Variants in TRIP12 observed in about 807,000 individuals in gnomAD.
The protein encoded by TRIP12 is thyroid hormone receptor interactor 12.
TRIP12 carries 25 observed loss-of-function variants against 244.2 expected under a neutral mutation model. That is an observed-to-expected ratio of 0.10 (90% CI 0.07 to 0.14). The LOEUF (loss-of-function observed/expected upper bound fraction) is 0.14. Among genes scored for constraint, TRIP12 ranks in the 10% least tolerant of loss-of-function variants. The pLI, the probability that TRIP12 is intolerant of heterozygous loss-of-function variation, is 1.00. For synonymous variants in TRIP12, 905 were observed against 873.1 expected (o/e 1.04, Z -0.64); for missense variants, 1,677 against 2,486.4 (o/e 0.67, Z 6.92).
intron 16 of TRIP12, 88 bp from the exon 17 acceptor site, chr2:229,807,952 C>T: frequency 7.1e-7 from 1 of 1,401,858 alleles, no homozygotes; most frequent in Non-Finnish European, 9.5e-7. Context: ...TCACACAAAC[C>T]AAAAGTTGTA....
At chr2:229,814,869 T>C (rs989919499) in intron 11 of TRIP12, among the ~76,000 whole-genome samples, 1 of 152,212 alleles carries the variant, frequency 6.6e-6, no homozygotes, top group African/African-American at 2.4e-5. Context: ...ACTTTAAAGT[T>C]CTTCTCTGAA....
chr2:229,884,370 G>A (rs1171794806), intron 1 of TRIP12, among the ~76,000 whole-genome samples: 6 of 150,606 alleles, frequency 4.0e-5, no homozygotes, highest in Non-Finnish European at 5.9e-5. Context: ...CAGAGTAGCT[G>A]GGATTACAGA....
rs772678117 is a variant in TRIP12, at chr2:229,768,723, T to C, written c.5904-4A>G. 1.1e-4 allele frequency: 170 copies of C among 1,600,390 alleles called. 4 individuals carry two copies. The East Asian group carries it at 3.7e-3, about 35-fold the overall frequency. On this transcript the variant is annotated splice_region_variant and splice_polypyrimidine_tract_variant and intron_variant, in intron 40 of 41. Transcript: ENST00000675903. ...AAACAAAAACTTCACAGCCCGACTA[T>C]AACAGAAATAAATATACCAAAATTA...
chr2:229,788,748 C>A, intron 32 of TRIP12, 50 bp downstream of exon 32: 1 of 1,591,810 alleles, frequency 6.3e-7, no homozygotes, highest in Non-Finnish European at 8.5e-7. Flanking sequence ...TACATCAAGA[C>A]CAACCCAGTA....
intron 13 of TRIP12, among the ~76,000 whole-genome samples, chr2:229,813,180 G>C (rs2047685356): frequency 6.6e-6 from 1 of 152,058 alleles, no homozygotes; most frequent in African/African-American, 2.4e-5. Flanking sequence ...CTCTCTTCTG[G>C]TCTTAACCCA....
chr2:229,894,169 T>C (rs1006799267), intron 1 of TRIP12, among the ~76,000 whole-genome samples: 12 of 152,132 alleles, frequency 7.9e-5, no homozygotes, highest in Admixed American at 2.6e-4. Flanking sequence ...AAAAAAGTTT[T>C]CGTTATTCTG....
intron 5 of TRIP12, among the ~76,000 whole-genome samples, chr2:229,840,370 G>C (rs1033801692): frequency 6.6e-6 from 1 of 152,126 alleles, no homozygotes; most frequent in Non-Finnish European, 1.5e-5. Context: ...AGTTATGTTA[G>C]AATATGTCTT....
At chr2:229,834,199 C>G (rs1483608803) in intron 6 of TRIP12, among the ~76,000 whole-genome samples, 1 of 152,220 alleles carries the variant, frequency 6.6e-6, no homozygotes, top group African/African-American at 2.4e-5. Flanking sequence ...TTGTCTAAAT[C>G]AGAATGCAAA....
chr2:229,841,867 G>A (rs190881955), intron 4 of TRIP12, among the ~76,000 whole-genome samples: 196 of 152,258 alleles, frequency 1.3e-3, no homozygotes, highest in Admixed American at 1.2e-3. Flanking sequence ...CTCCTTTGTG[G>A]AAAAGCAGCA....
intron 2 of TRIP12, among the ~76,000 whole-genome samples, chr2:229,874,184 T>C (rs2063189236): frequency 6.6e-6 from 1 of 151,896 alleles, no homozygotes. Context: ...TAAATGAAAA[T>C]GGCCCACGGA....
intron 1 of TRIP12, among the ~76,000 whole-genome samples, chr2:229,913,500 ACAT>A (rs1199207921): frequency 4.6e-5 from 7 of 152,250 alleles, no homozygotes; most frequent in Non-Finnish European, 1.0e-4. Context: ...CTACTAATAA[ACAT>A]CATCTCCAAA....
chr2:229,873,522 TG>T (rs764175604), intron 2 of TRIP12, among the ~76,000 whole-genome samples: 1 of 152,198 alleles, frequency 6.6e-6, no homozygotes, highest in Non-Finnish European at 1.5e-5. Flanking sequence ...GTTAGGGTAT[TG>T]AGAGAAAAGA....
At chr2:229,789,502 T>C (rs912767902) in intron 31 of TRIP12, 109 bp downstream of exon 31, 9 of 1,342,934 alleles carry the variant, frequency 6.7e-6, no homozygotes, top group Non-Finnish European at 9.1e-6. Flanking sequence ...TGTACTTTAC[T>C]GGGCTAGGAG....
intron 21 of TRIP12, among the ~76,000 whole-genome samples, chr2:229,800,853 C>T (rs978625921): frequency 1.3e-5 from 2 of 151,758 alleles, no homozygotes; most frequent in African/African-American, 2.4e-5. Flanking sequence ...CACTTGAGCC[C>T]GGGAGTTCGA....
intron 9 of TRIP12, among the ~76,000 whole-genome samples, chr2:229,817,533 C>G (rs2048806065): frequency 1.3e-5 from 2 of 152,102 alleles, no homozygotes; most frequent in African/African-American, 4.8e-5. Context: ...ATCAAAATAT[C>G]AACTCACAAC....
At chr2:229,789,958 T>G (rs1453643614) in intron 30 of TRIP12, among the ~76,000 whole-genome samples, 196 bp from the exon 31 acceptor site, 4 of 152,216 alleles carry the variant, frequency 2.6e-5, no homozygotes, top group Admixed American at 1.3e-4. Context: ...TTATAAAAAT[T>G]TCACTTTTCC....
chr2:229,900,188 T>G (rs1170589889), intron 1 of TRIP12, among the ~76,000 whole-genome samples: 1 of 152,218 alleles, frequency 6.6e-6, no homozygotes, highest in African/African-American at 2.4e-5. Flanking sequence ...TTAGTTGAAC[T>G]TCTACAACCT....
chr2:229,795,212 T>G lies in TRIP12; in HGVS notation c.3935A>C (p.His1312Pro). Reference protein sequence around the residue: ...SQMEQFPVKVHDFPSGNGTGG... With the variant: ...SQMEQFPVKVPDFPSGNGTGG... ...TGTCCCATTTCCACTAGGGAAATCA[T>G]GTACTTTGACTGGAAATTGTTCCAT... Residue 1312 changes from histidine (H) to proline (P), a missense_variant, in exon 26 of 42, where the codon CAT becomes CCT. By Grantham distance (77) the His-to-Pro change is moderately conservative. Transcript: ENST00000675903. 2 of 1,614,046 alleles carry G rather than the reference T, an allele frequency of 1.2e-6. No individual in the cohort carries two copies. Among genetic ancestry groups the G allele is most frequent in the Non-Finnish European group, 1.7e-6 (2 of 1,179,962 alleles).
At chr2:229,865,501 T>C (rs1243189230) in intron 2 of TRIP12, among the ~76,000 whole-genome samples, 2 of 152,010 alleles carry the variant, frequency 1.3e-5, no homozygotes, top group Admixed American at 1.3e-4. Flanking sequence ...ATATATATAA[T>C]ATACACACAC....
Sources: gnomAD v4.1 joint callset for allele counts (sites outside exome capture counted in the v4.1 genomes callset) on GRCh38, gnomAD v4.1.1 for gene constraint, MANE v1.5 for transcripts, NCBI Gene and HGNC (gene_info 2026-07-23, HGNC 2026-07-21) for gene names.